COPS2: variants seen among roughly 807,000 people sequenced by gnomAD.
The protein encoded by COPS2 is COP9 signalosome subunit 2.
A neutral mutation model predicts 66.1 loss-of-function variants in COPS2; 10 were observed. The observed-to-expected ratio is 0.15, with a 90% confidence interval of 0.09 to 0.26. The LOEUF (loss-of-function observed/expected upper bound fraction) is 0.26. Ranked by LOEUF, COPS2 falls within the 10% of genes least tolerant of loss-of-function variation. COPS2 has a pLI of 1.00. For missense variants in COPS2, 215 were observed against 513.3 expected (o/e 0.42, Z 5.62); for synonymous variants, 179 against 171.3 (o/e 1.04, Z -0.35).
chr15:49,155,372 C>G (rs1369766240), intron 1 of COPS2, among the ~76,000 whole-genome samples, 153 bp downstream of exon 1: 1 of 152,116 alleles, frequency 6.6e-6, no homozygotes, highest in African/African-American at 2.4e-5. Flanking sequence ...GGGCCCGGTG[C>G]GGGAACGGGG....
chr15:49,153,508 A>G (rs576380145), intron 1 of COPS2, among the ~76,000 whole-genome samples: 1 of 152,310 alleles, frequency 6.6e-6, no homozygotes, highest in South Asian at 2.1e-4. Context: ...AACTAGAAGT[A>G]GAACTACCAT....
chr15:49,142,021 T>C (rs2084292899), intron 3 of COPS2, among the ~76,000 whole-genome samples: 1 of 152,214 alleles, frequency 6.6e-6, no homozygotes, highest in African/African-American at 2.4e-5. Flanking sequence ...AATTGTTTAA[T>C]CACAAATTTC....
intron 1 of COPS2, among the ~76,000 whole-genome samples, chr15:49,154,904 T>C (rs553793529): frequency 3.9e-5 from 6 of 152,328 alleles, no homozygotes; most frequent in African/African-American, 1.4e-4. Context: ...AGCTTTTCTT[T>C]ATAAAGAACT....
intron 3 of COPS2, among the ~76,000 whole-genome samples, chr15:49,140,281 C>T (rs2084282286): frequency 1.3e-5 from 2 of 152,208 alleles, no homozygotes; most frequent in Admixed American, 6.5e-5. Flanking sequence ...AGGTGTGAGC[C>T]ACTGCACTCG....
intron 10 of COPS2, among the ~76,000 whole-genome samples, chr15:49,130,492 T>C (rs2084199612): frequency 6.6e-6 from 1 of 152,156 alleles, no homozygotes; most frequent in African/African-American, 2.4e-5. Context: ...TTAAACAAAA[T>C]GGACATTATA....
At chr15:49,151,655 T>G (rs566145280) in intron 1 of COPS2, among the ~76,000 whole-genome samples, 6 of 152,204 alleles carry the variant, frequency 3.9e-5, no homozygotes, top group Admixed American at 2.0e-4. Flanking sequence ...CCTGTAAAAT[T>G]AGCATTGCAT....
intron 9 of COPS2, among the ~76,000 whole-genome samples, chr15:49,132,049 C>T (rs1347514916): frequency 6.6e-6 from 1 of 152,020 alleles, no homozygotes; most frequent in African/African-American, 2.4e-5. Flanking sequence ...ATGTACTTAG[C>T]CAATTTAATT....
chr15:49,132,485 A>T (rs891630808), intron 9 of COPS2, among the ~76,000 whole-genome samples: 3 of 151,158 alleles, frequency 2.0e-5, no homozygotes, highest in South Asian at 2.1e-4. Context: ...GGTGACCCAT[A>T]ATGTACAGTC....
Position 49,139,640 on chromosome 15 carries a change from T to C in COPS2, c.260A>G (p.Glu87Gly). The C allele has an allele frequency of 6.3e-7, 1 of 1,584,982 alleles. No homozygotes were observed. Among genetic ancestry groups the C allele is most frequent in the Non-Finnish European group, 8.5e-7 (1 of 1,169,640 alleles). The change falls in exon 4 of 13, where the codon GAA becomes GGA. Residue 87 changes from glutamate (E) to glycine (G), a missense_variant. Coordinates refer to ENST00000388901, the MANE Select transcript of COPS2 (RefSeq NM_004236.4). ...KINFKLTNFP[E>G]MMNRYKQLLT... The stretch of plus-strand genomic sequence containing the variant: ...TAGCTGCTTATATCTATTCATCATT[T>C]CTGGAAAGTTTGTCTGTGAGAAAAG...
chr15:49,147,825 G>A (rs368086364), intron 1 of COPS2, among the ~76,000 whole-genome samples: 4 of 151,534 alleles, frequency 2.6e-5, no homozygotes, highest in East Asian at 3.9e-4. Flanking sequence ...CATATCATAC[G>A]GATTAAGAAA....
Position 49,123,916 on chromosome 15 carries a change from G to C in COPS2, c.*4034C>G, listed in dbSNP as rs2084143157. On this transcript the variant is annotated 3_prime_UTR_variant, in exon 13 of 13. Coordinates refer to ENST00000388901, the MANE Select transcript of COPS2 (RefSeq NM_004236.4). ...TTTTGAGAAACATGTAGAATCACTAGTTGACAGTTTAAATTTGTGGTGCTT... is the reference window on the plus strand; with the variant it reads ...TTTTGAGAAACATGTAGAATCACTACTTGACAGTTTAAATTTGTGGTGCTT... 1 of 152,216 alleles carries C rather than the reference G, an allele frequency of 6.6e-6. No individual in the cohort carries two copies. Among genetic ancestry groups the C allele is most frequent in the African/African-American group, 2.4e-5 (1 of 41,464 alleles). 9.4% of individuals were successfully genotyped at this position (152,216 alleles called of 1,614,324 possible).
At chr15:49,148,656 T>G (rs1017299540) in intron 1 of COPS2, among the ~76,000 whole-genome samples, 1 of 152,216 alleles carries the variant, frequency 6.6e-6, no homozygotes, top group South Asian at 2.1e-4. Context: ...ATAGTCAGAT[T>G]TGTGTTTCTG....
rs1357550814 is a variant in COPS2, at chr15:49,139,624, A to G, written c.276T>C (p.Tyr92=). ...LTNFPEMMNR[Y]KQLLTYIRSA... ...TCCGAATATAGGTCAATAGCTGCTT[A>G]TATCTATTCATCATTTCTGGAAAGT... The change falls in exon 4 of 13, where the codon TAT becomes TAC. Residue 92 remains tyrosine, a synonymous_variant. Transcript: ENST00000388901. The G allele has an allele frequency of 6.3e-6, 10 of 1,590,178 alleles. No homozygotes were observed. Among genetic ancestry groups the G allele is most frequent in the Non-Finnish European group, 8.5e-6 (10 of 1,170,808 alleles).
At chr15:49,135,043 G>A (rs1322588126) in intron 6 of COPS2, among the ~76,000 whole-genome samples, 1 of 151,948 alleles carries the variant, frequency 6.6e-6, no homozygotes, top group Non-Finnish European at 1.5e-5. Flanking sequence ...TTATAAATCA[G>A]GTACAGTGAG....
intron 4 of COPS2, chr15:49,137,638 T>G: frequency 2.0e-6 from 1 of 509,404 alleles, no homozygotes; most frequent in Non-Finnish European, 3.5e-6. Context: ...CCATGATGCG[T>G]TGTTTTATAG....
intron 1 of COPS2, 142 bp from the exon 2 acceptor site, chr15:49,145,220 A>T: frequency 2.1e-6 from 1 of 481,564 alleles, no homozygotes; most frequent in South Asian, 3.8e-5. Context: ...GTAAAATGCC[A>T]CTGATATTCA....
intron 3 of COPS2, among the ~76,000 whole-genome samples, chr15:49,143,108 A>G (rs2084299850): frequency 6.6e-6 from 1 of 152,194 alleles, no homozygotes; most frequent in South Asian, 2.1e-4. Context: ...TGAAGAAAAA[A>G]TCCATATGGT....
At chr15:49,146,421 A>T (rs983811700) in intron 1 of COPS2, among the ~76,000 whole-genome samples, 3 of 152,174 alleles carry the variant, frequency 2.0e-5, no homozygotes, top group Non-Finnish European at 2.9e-5. Flanking sequence ...CTAAAAAAAA[A>T]GAGAAATTAG....
At chr15:49,132,556 A>G (rs996166839) in intron 9 of COPS2, among the ~76,000 whole-genome samples, 1 of 105,182 alleles carries the variant, frequency 9.5e-6, no homozygotes, top group Non-Finnish European at 1.8e-5. Context: ...CACCTAAATT[A>G]TTTACATATA....
Sources: gnomAD v4.1 joint callset for allele counts (sites outside exome capture counted in the v4.1 genomes callset) on GRCh38, gnomAD v4.1.1 for gene constraint, MANE v1.5 for transcripts, NCBI Gene and HGNC (gene_info 2026-07-23, HGNC 2026-07-21) for gene names.